The following ZFHX3 variants were observed in gnomAD, a reference collection of about 807,000 sequenced individuals.
The protein encoded by ZFHX3 is zinc finger homeobox 3.
ZFHX3 carries 42 observed loss-of-function variants against 279.1 expected under a neutral mutation model. That is an observed-to-expected ratio of 0.15 (90% CI 0.12 to 0.19). The LOEUF (loss-of-function observed/expected upper bound fraction) is 0.19, where lower values mean the gene tolerates loss of function less well. ZFHX3 is among the 10% of genes least tolerant of loss of function. The pLI, the probability that ZFHX3 is intolerant of heterozygous loss-of-function variation, is 1.00. For synonymous variants in ZFHX3, 2,293 were observed against 1,957.8 expected, an observed-to-expected ratio of 1.17 and a Z score of -4.52; for missense variants, 4,981 against 4,754.0, an observed-to-expected ratio of 1.05 and a Z score of -1.40.
intron 3 of ZFHX3, among the ~76,000 whole-genome samples, chr16:73,435,971 G>A (rs983424527): frequency 1.3e-5 from 2 of 152,214 alleles, no homozygotes; most frequent in African/African-American, 4.8e-5. Context: ...CACTAGGGAT[G>A]GCTGCTGTTT....
At chr16:73,673,955 C>T (rs1022466611) in intron 2 of ZFHX3, among the ~76,000 whole-genome samples, 1 of 152,070 alleles carries the variant, frequency 6.6e-6, no homozygotes, top group Admixed American at 6.6e-5. Context: ...AGTCAGGTGA[C>T]GAACACCAAA....
chr16:73,366,030 C>T (rs1468155303), intron 3 of ZFHX3, among the ~76,000 whole-genome samples: 1 of 152,158 alleles, frequency 6.6e-6, no homozygotes, highest in South Asian at 2.1e-4. Context: ...AACCAAACAT[C>T]CAGCTGAAGT....
At chr16:73,395,250 T>TGAG (rs2017103716) in intron 3 of ZFHX3, among the ~76,000 whole-genome samples, 1 of 152,148 alleles carries the variant, frequency 6.6e-6, no homozygotes, top group Non-Finnish European at 1.5e-5. Context: ...GGATCACCTC[T>TGAG]GTCAGGAGTT....
intron 2 of ZFHX3, among the ~76,000 whole-genome samples, chr16:73,551,856 G>A (rs2020208590): frequency 6.6e-6 from 1 of 152,128 alleles, no homozygotes; most frequent in Non-Finnish European, 1.5e-5. Context: ...TTTTGGAAGA[G>A]GTGTTAGAGT....
chr16:73,796,505 CAT>C (rs1567413432), intron 1 of ZFHX3: 2 of 152,346 alleles, frequency 1.3e-5, no homozygotes. Context: ...AATGAGTACA[CAT>C]GTCATGTCAG....
At position 72,937,453 on chromosome 16, in the gene ZFHX3, C is replaced by T. The variant is rs535722246; in HGVS notation, c.3216+13016G>A. Reference sequence around the variant, plus strand: ...GAGTCAGCAACACAGAAACCACTGGCGACCTGTCCTACTAGTGGTGAAAAG... The same window carrying T: ...GAGTCAGCAACACAGAAACCACTGGTGACCTGTCCTACTAGTGGTGAAAAG... On this transcript the variant is annotated intron_variant, in intron 3 of 9. Transcript: ENST00000268489. Among the ~76,000 whole-genome samples, 14 of 152,322 alleles carry T rather than the reference C, an allele frequency of 9.2e-5. No individual in the cohort carries two copies. The East Asian group carries it at 2.3e-3, about 25-fold the overall frequency.
At chr16:72,975,799 T>C (rs10852516) in intron 1 of ZFHX3, among the ~76,000 whole-genome samples, 49,472 of 152,044 alleles carry the variant, frequency 0.33, 8,205 homozygotes, top group Admixed American at 0.37. Flanking sequence ...ATGGCACAGA[T>C]GGTCTTTCTC....
chr16:73,869,525 C>G (rs540172151), intron 1 of ZFHX3, among the ~76,000 whole-genome samples: 13 of 152,312 alleles, frequency 8.5e-5, no homozygotes, highest in Non-Finnish European at 1.9e-4. Flanking sequence ...CAAAAGATAA[C>G]TGGAGAAATG....
chr16:73,365,014 T>G (rs571431530), intron 3 of ZFHX3, among the ~76,000 whole-genome samples: 3 of 152,030 alleles, frequency 2.0e-5, no homozygotes, highest in Non-Finnish European at 4.4e-5. Context: ...CCTTGGGGCA[T>G]CTGGGGTGCC....
At chr16:73,581,658 T>TC (rs1373003728) in intron 2 of ZFHX3, among the ~76,000 whole-genome samples, 38 of 138,554 alleles carry the variant, frequency 2.7e-4, no homozygotes, top group Non-Finnish European at 5.3e-4. Context: ...TTCGAATGTC[T>TC]CTTTTTTTTT....
rs571300866 is a variant in ZFHX3, at chr16:73,611,147, A to T, written c.-1547+69033T>A. 2.6e-5 allele frequency among the ~76,000 whole-genome samples: 4 copies of T among 152,314 alleles called. No homozygotes were observed. In the East Asian group the frequency reaches 7.7e-4, roughly 29 times the overall value. On this transcript the variant is annotated intron_variant, in intron 2 of 17. Coordinates refer to the ZFHX3 transcript ENST00000641206. Reference sequence around the variant, plus strand: ...GAGGAAGAAAGAGGGTTAGAAAAGCAGTTTTGGTTTTTTTTGAGTTTTTGA... The same window carrying T: ...GAGGAAGAAAGAGGGTTAGAAAAGCTGTTTTGGTTTTTTTTGAGTTTTTGA...
chr16:73,634,319 C>T (rs1437824792), intron 2 of ZFHX3, among the ~76,000 whole-genome samples: 10 of 151,068 alleles, frequency 6.6e-5, no homozygotes, highest in African/African-American at 2.2e-4. Context: ...ACATATAAGT[C>T]GATGTGACTT....
At position 73,824,671 on chromosome 16, in the gene ZFHX3, G is replaced by A. The variant is rs1481187036; in HGVS notation, c.-1608+66980C>T. On this transcript the variant is annotated intron_variant, in intron 1 of 17. Coordinates refer to the ZFHX3 transcript ENST00000641206. The stretch of plus-strand genomic sequence containing the variant: ...GCGGTGTTTGGTTTTTTGTTCTTGC[G>A]ATAGTTTACTGAGAATGATGGTTTC... Among the ~76,000 whole-genome samples, 39 of 98,420 alleles carry A rather than the reference G, an allele frequency of 4.0e-4. No homozygotes were observed. The Middle Eastern group carries it at 0.013, about 32-fold the overall frequency. The allele number at this position is 98,420 out of a possible 152,430, so 64.6% of individuals were successfully genotyped here. A position where few individuals can be genotyped will look rare whatever the true frequency, so the allele number is the denominator to read the frequency against.
intron 3 of ZFHX3, among the ~76,000 whole-genome samples, chr16:72,937,358 A>G (rs1418036433): frequency 6.6e-6 from 1 of 152,242 alleles, no homozygotes; most frequent in African/African-American, 2.4e-5. Context: ...AGAGAAGCCA[A>G]CAGAGATAGA....
Position 73,378,030 on chromosome 16 carries a change from C to CAAAAAAAAAAAAA in ZFHX3, c.-1290-59707_-1290-59695dup, listed in dbSNP as rs71156159. Among the ~76,000 whole-genome samples the CAAAAAAAAAAAAA allele has an allele frequency of 9.1e-4, 49 of 53,834 alleles. 9 individuals carry two copies. The highest frequency in any genetic ancestry group is 1.1e-3 in the Non-Finnish European group (34 of 30,822). The allele number at this position is 53,834 out of a possible 152,430, so 35.3% of individuals were successfully genotyped here. ...CCTGGGTGACAGAGAGACTCTGTCTCAAAAAAAAAAAAAAAAAAAAAAAAA... is the reference window on the plus strand; with the variant it reads ...CCTGGGTGACAGAGAGACTCTGTCTCAAAAAAAAAAAAAAAAAAAAAAAAAAAAAAAAAAAAAA... On this transcript the variant is annotated intron_variant, in intron 3 of 17. Coordinates refer to the ZFHX3 transcript ENST00000641206.
chr16:73,494,724 TA>T (rs2019110320), intron 2 of ZFHX3, among the ~76,000 whole-genome samples: 1 of 129,952 alleles, frequency 7.7e-6, no homozygotes, highest in African/African-American at 3.2e-5. Context: ...CATGACCGGC[TA>T]ATTTTTTTTT....
intron 2 of ZFHX3, among the ~76,000 whole-genome samples, chr16:73,473,502 G>A (rs1022733711): frequency 6.6e-6 from 1 of 152,094 alleles, no homozygotes; most frequent in Non-Finnish European, 1.5e-5. Flanking sequence ...CAACGCTTGA[G>A]AGTCCTGGCC....
At chr16:72,820,200 C>A (rs529010532) in intron 5 of ZFHX3, among the ~76,000 whole-genome samples, 1 of 152,176 alleles carries the variant, frequency 6.6e-6, no homozygotes, top group Non-Finnish European at 1.5e-5. Context: ...CTGGAAGCCT[C>A]AAGGTGGGAT....
intron 1 of ZFHX3, among the ~76,000 whole-genome samples, chr16:73,840,011 T>C (rs942650382): frequency 1.3e-5 from 2 of 152,178 alleles, no homozygotes; most frequent in African/African-American, 2.4e-5. Flanking sequence ...TCAAATCCCA[T>C]CTTTCACAGG....
Sources: allele counts gnomAD v4.1 joint callset (sites outside exome capture counted in the v4.1 genomes callset), GRCh38; gene constraint gnomAD v4.1.1; transcripts MANE v1.5; gene names NCBI Gene and HGNC (gene_info 2026-07-23, HGNC 2026-07-21).